Variants in ABI2 observed in about 807,000 individuals in gnomAD.
ABI2 encodes abl interactor 2, also known as abelson interactor 2.
Under a neutral mutation model 59.2 loss-of-function variants are expected in ABI2, and 25 were observed. The observed-to-expected ratio is 0.42, with a 90% CI of 0.31 to 0.59. The LOEUF is 0.59. Among genes scored for constraint, ABI2 ranks in the 20% least tolerant of loss-of-function variants. The pLI is 0.14. For synonymous variants in ABI2, 213 were observed against 235.5 expected (o/e 0.90, Z 0.87); for missense variants, 545 against 681.8 (o/e 0.80, Z 2.23).
At chr2:203,411,483 A>T (rs2097674383) in intron 10 of ABI2, 112 bp downstream of exon 10, 2 of 838,670 alleles carry the variant, frequency 2.4e-6, no homozygotes, top group East Asian at 2.6e-5. Flanking sequence ...TTTCAATATT[A>T]TGAACAAATC....
At chr2:203,371,449 A>C (rs1280558300) in intron 2 of ABI2, among the ~76,000 whole-genome samples, 1 of 152,242 alleles carries the variant, frequency 6.6e-6, no homozygotes, top group Non-Finnish European at 1.5e-5. Context: ...TAAAAGGACA[A>C]TATAGTATTA....
chr2:203,359,548 C>T (rs555741995), intron 1 of ABI2, among the ~76,000 whole-genome samples: 3 of 152,122 alleles, frequency 2.0e-5, no homozygotes, highest in African/African-American at 7.2e-5. Context: ...TTCATTGGTC[C>T]TTCTAAAACA....
chr2:203,412,087 T>C (rs2097700969), intron 10 of ABI2, among the ~76,000 whole-genome samples: 2 of 152,182 alleles, frequency 1.3e-5, no homozygotes, highest in Admixed American at 6.5e-5. Context: ...ACTAGGAGAA[T>C]GATATTAAAG....
chr2:203,409,221 G>T, intron 9 of ABI2, among the ~76,000 whole-genome samples: 1 of 152,178 alleles, frequency 6.6e-6, no homozygotes, highest in East Asian at 1.9e-4. Context: ...AAGCCTCTGA[G>T]TGGGAAGCAG....
intron 1 of ABI2, among the ~76,000 whole-genome samples, chr2:203,329,485 T>TA (rs1402551544): frequency 5.3e-5 from 8 of 151,706 alleles, no homozygotes; most frequent in Admixed American, 4.6e-4. Context: ...TTCTGTGGAT[T>TA]AAAAAAATCC....
intron 10 of ABI2, among the ~76,000 whole-genome samples, chr2:203,414,303 T>C (rs1218139711): frequency 6.6e-6 from 1 of 152,068 alleles, no homozygotes; most frequent in African/African-American, 2.4e-5. Context: ...GGTTTCGCCA[T>C]ATTGGCCAGG....
chr2:203,346,535 G>GTT (rs778688227), intron 1 of ABI2, among the ~76,000 whole-genome samples: 3 of 151,998 alleles, frequency 2.0e-5, no homozygotes, highest in Non-Finnish European at 2.9e-5. Flanking sequence ...GGAGTTGCAC[G>GTT]TTTTCCCTTG....
In ABI2 at chr2:203,427,346, T is replaced by G. The variant is rs754005472; in HGVS notation, c.1623T>G (p.Ser541=). The part of the protein sequence containing the change: ...GNYVESIMHY[S]E ...ACGTTGAGTCTATCATGCATTATTCTGAGTAAAGCTCAGCAGGGCTGTGCT... is the reference window on the plus strand; with the variant it reads ...ACGTTGAGTCTATCATGCATTATTCGGAGTAAAGCTCAGCAGGGCTGTGCT... The change falls in exon 12 of 12, where the codon TCT becomes TCG. Residue 541 remains serine (S), a synonymous_variant. Coordinates refer to ENST00000261018, the MANE Select transcript of ABI2 (RefSeq NM_001375670.1). 1.2e-6 allele frequency: 2 copies of G among 1,613,274 alleles called. No individual in the cohort carries two copies. Among genetic ancestry groups the G allele is most frequent in the South Asian group, 2.2e-5 (2 of 90,858 alleles).
intron 2 of ABI2, among the ~76,000 whole-genome samples, chr2:203,378,198 T>C (rs931208211): frequency 2.7e-4 from 41 of 152,016 alleles, no homozygotes; most frequent in East Asian, 1.2e-3. Flanking sequence ...TTGCAAGCTC[T>C]GCCTCCTGGG....
At chr2:203,346,310 A>G (rs909552073) in intron 1 of ABI2, among the ~76,000 whole-genome samples, 1 of 152,160 alleles carries the variant, frequency 6.6e-6, no homozygotes, top group Non-Finnish European at 1.5e-5. Context: ...TATCTTTTTC[A>G]GGTTTTTGCT....
intron 1 of ABI2, among the ~76,000 whole-genome samples, chr2:203,356,289 A>G (rs1300789380): frequency 6.6e-6 from 1 of 152,004 alleles, no homozygotes; most frequent in African/African-American, 2.4e-5. Flanking sequence ...CTGGGATCTC[A>G]TGTCTTAGCC....
chr2:203,329,998 A>C (rs955636595), intron 1 of ABI2, among the ~76,000 whole-genome samples: 1 of 152,146 alleles, frequency 6.6e-6, no homozygotes, highest in East Asian at 1.9e-4. Context: ...CGGCCTCCCA[A>C]AGTGCTGGGA....
intron 9 of ABI2, 83 bp from the exon 10 acceptor site, chr2:203,411,200 ATG>A (rs1446265188): frequency 1.9e-6 from 2 of 1,036,198 alleles, no homozygotes; most frequent in African/African-American, 3.2e-5. Context: ...TCCCTCCTTT[ATG>A]TGTTTATTTT....
chr2:203,389,184 A>G (rs564630685), intron 4 of ABI2, among the ~76,000 whole-genome samples: 12 of 152,326 alleles, frequency 7.9e-5, no homozygotes, highest in African/African-American at 2.6e-4. Flanking sequence ...ATTTTAAGAT[A>G]CAAGTAGTAT....
intron 2 of ABI2, among the ~76,000 whole-genome samples, chr2:203,372,594 G>C (rs1577597309): frequency 1.3e-5 from 2 of 150,880 alleles, no homozygotes; most frequent in African/African-American, 4.9e-5. Flanking sequence ...GGGGCGGGTG[G>C]CTGGGCGGGG....
At chr2:203,343,364 A>G (rs752713441) in intron 1 of ABI2, among the ~76,000 whole-genome samples, 7 of 152,254 alleles carry the variant, frequency 4.6e-5, no homozygotes, top group Non-Finnish European at 8.8e-5. Flanking sequence ...TATGTCTCAA[A>G]AAACATAAAA....
intron 4 of ABI2, among the ~76,000 whole-genome samples, chr2:203,384,299 T>TTGTTTTTGTTTTG (rs1559289268): frequency 7.9e-6 from 1 of 126,666 alleles, no homozygotes; most frequent in East Asian, 2.3e-4. Context: ...TGTTTTTTTT[T>TTGTTTTTGTTTTG]TTTTTTTTTT....
At chr2:203,386,441 T>TTG (rs1464698066) in intron 4 of ABI2, 1 of 154,220 alleles carries the variant, frequency 6.5e-6, no homozygotes, top group East Asian at 2.0e-4. Context: ...TTTTTTTTTT[T>TTG]TTTTTTTTTT....
chr2:203,332,587 T>C (rs1428575149), intron 1 of ABI2, among the ~76,000 whole-genome samples: 1 of 152,202 alleles, frequency 6.6e-6, no homozygotes, highest in African/African-American at 2.4e-5. Context: ...ATCATGCCAT[T>C]GCACTCCAGC....
Sources: allele counts gnomAD v4.1 joint callset (sites outside exome capture counted in the v4.1 genomes callset), GRCh38; gene constraint gnomAD v4.1.1; transcripts MANE v1.5; gene names NCBI Gene and HGNC (gene_info 2026-07-23, HGNC 2026-07-21).